Variants in CLXN observed in about 807,000 individuals in gnomAD.
CLXN encodes calaxin, also known as EF-hand calcium binding domain 1.
the CLXN span, among the ~76,000 whole-genome samples, chr8:48,712,703 G>A: frequency 6.6e-6 from 1 of 152,064 alleles, no homozygotes; most frequent in Non-Finnish European, 1.5e-5. Flanking sequence ...ACTTTCCCAC[G>A]AAACTGAGAA....
the CLXN span, chr8:48,711,927 T>G: frequency 6.6e-6 from 1 of 152,246 alleles, no homozygotes; most frequent in Non-Finnish European, 1.5e-5. Context: ...AGTGAGACAA[T>G]GCATGTAAAA....
At chr8:48,734,990 GT>G in the CLXN span, 1 of 1,343,082 alleles carries the variant, frequency 7.4e-7, no homozygotes, top group Non-Finnish European at 1.0e-6. Flanking sequence ...AGCCCACAGA[GT>G]CCCAGCAGGC....
At chr8:48,729,142 T>C in the CLXN span, 1 of 1,611,514 alleles carries the variant, frequency 6.2e-7, no homozygotes, top group Non-Finnish European at 8.5e-7. Flanking sequence ...ATCATGGTCA[T>C]GATCCTAGGG....
At chr8:48,730,641 A>C in the CLXN span, 3 of 1,599,276 alleles carry the variant, frequency 1.9e-6, no homozygotes, top group Admixed American at 5.1e-5. Context: ...AAAACCTCGG[A>C]ATACTAAAGG....
the CLXN span, among the ~76,000 whole-genome samples, chr8:48,719,271 G>A: frequency 6.6e-6 from 1 of 152,096 alleles, no homozygotes; most frequent in Non-Finnish European, 1.5e-5. Context: ...AACTGAATCA[G>A]TAATCAGAAA....
the CLXN span, chr8:48,724,066 A>G: frequency 6.6e-6 from 1 of 152,194 alleles, no homozygotes; most frequent in Non-Finnish European, 1.5e-5. Context: ...AGTCCAATCT[A>G]CAGTAATTAT....
the CLXN span, among the ~76,000 whole-genome samples, chr8:48,717,929 A>G: frequency 3.9e-4 from 59 of 152,166 alleles, no homozygotes; most frequent in Non-Finnish European, 1.5e-4. Flanking sequence ...AATCAAAGAG[A>G]AAACAACTGC....
the CLXN span, chr8:48,735,056 A>C: frequency 3.7e-6 from 6 of 1,612,652 alleles, no homozygotes; most frequent in Non-Finnish European, 5.1e-6. Context: ...GGCTCGGTCC[A>C]GGAGCCTCGG....
chr8:48,721,705 A>G, the CLXN span, among the ~76,000 whole-genome samples: 28 of 152,382 alleles, frequency 1.8e-4, no homozygotes, highest in African/African-American at 6.0e-4. Flanking sequence ...CAGGGAAAGG[A>G]GAGTCTCTTC....
At chr8:48,717,808 C>G in the CLXN span, among the ~76,000 whole-genome samples, 19,138 of 152,024 alleles carry the variant, frequency 0.13, 3,792 homozygotes, top group African/African-American at 0.42. Context: ...AAATTGTTAT[C>G]AACTTAAAAT....
At chr8:48,713,829 G>A in the CLXN span, 2 of 152,194 alleles carry the variant, frequency 1.3e-5, no homozygotes, top group East Asian at 1.9e-4. Context: ...GGTTAAGAAT[G>A]CAGGACTACC....
chr8:48,718,174 C>A, the CLXN span, among the ~76,000 whole-genome samples: 2 of 151,946 alleles, frequency 1.3e-5, no homozygotes, highest in Non-Finnish European at 2.9e-5. Flanking sequence ...CAAAAGAAAG[C>A]AGAGGTGATT....
At chr8:48,711,326 TCTC>T in the CLXN span, 3 of 152,078 alleles carry the variant, frequency 2.0e-5, no homozygotes, top group African/African-American at 7.2e-5. Flanking sequence ...CTTCCACCAT[TCTC>T]CTCACAAGCA....
the CLXN span, among the ~76,000 whole-genome samples, chr8:48,719,449 T>C: frequency 6.6e-6 from 1 of 152,112 alleles, no homozygotes; most frequent in Non-Finnish European, 1.5e-5. Context: ...TCAACTTGAT[T>C]CCAAATCAGC....
At chr8:48,734,129 A>G in the CLXN span, among the ~76,000 whole-genome samples, 5 of 152,178 alleles carry the variant, frequency 3.3e-5, no homozygotes, top group Non-Finnish European at 4.4e-5. Flanking sequence ...ATCAGATACT[A>G]ATGATAATTA....
the CLXN span, among the ~76,000 whole-genome samples, chr8:48,712,972 A>G: frequency 4.0e-5 from 6 of 149,198 alleles, no homozygotes; most frequent in East Asian, 1.2e-3. Context: ...CTTGGGCAAC[A>G]GAGTGAGACT....
At chr8:48,734,981 G>T in the CLXN span, 1 of 1,234,792 alleles carries the variant, frequency 8.1e-7, no homozygotes, top group Non-Finnish European at 1.1e-6. Context: ...GCGGTAGGTA[G>T]CCCACAGAGT....
At chr8:48,721,370 TG>T in the CLXN span, among the ~76,000 whole-genome samples, 1 of 146,550 alleles carries the variant, frequency 6.8e-6, no homozygotes, top group African/African-American at 2.8e-5. Flanking sequence ...ATTATTAAAA[TG>T]TTCATACTAC....
At chr8:48,734,066 A>G in the CLXN span, among the ~76,000 whole-genome samples, 1 of 152,198 alleles carries the variant, frequency 6.6e-6, no homozygotes, top group Non-Finnish European at 1.5e-5. Context: ...CACACACCAT[A>G]ATATTCATTT....
Sources: allele counts gnomAD v4.1 joint callset (sites outside exome capture counted in the v4.1 genomes callset), GRCh38; gene constraint gnomAD v4.1.1; transcripts MANE v1.5; gene names NCBI Gene and HGNC (gene_info 2026-07-23, HGNC 2026-07-21).